Variants in DMD observed in about 807,000 individuals in gnomAD.
DMD encodes dystrophin.
A neutral mutation model predicts 330.1 loss-of-function variants in DMD; 63 were observed. That is an observed-to-expected ratio of 0.19 (90% CI 0.16 to 0.24). The LOEUF (loss-of-function observed/expected upper bound fraction) is 0.24, where lower values mean the gene tolerates loss of function less well. Among genes scored for constraint, DMD ranks in the 10% least tolerant of loss-of-function variants. The probability of loss-of-function intolerance (pLI) is 1.00; values close to 1 mark genes in which losing one functional copy is unlikely to be tolerated. For synonymous variants in DMD, 1,223 were observed against 959.8 expected (o/e 1.27, Z -5.07); for missense variants, 3,344 against 2,684.1 (o/e 1.25, Z -5.43).
intron 44 of DMD, among the ~76,000 whole-genome samples, chrX:32,194,046 G>A (rs772939141): frequency 8.9e-6 from 1 of 112,167 alleles, no homozygotes; most frequent in South Asian, 3.7e-4. Context: ...ATATTATGCA[G>A]CCTTCTTGTG....
chrX:32,805,360 A>G (rs1156984149), intron 7 of DMD, among the ~76,000 whole-genome samples: 1 of 112,029 alleles, frequency 8.9e-6, no homozygotes, highest in Non-Finnish European at 1.9e-5. Context: ...AAGAAAAGAT[A>G]TCAGAGATTG....
chrX:33,174,517 T>G (rs2049541093), intron 1 of DMD, among the ~76,000 whole-genome samples: 1 of 111,509 alleles, frequency 9.0e-6, no homozygotes, highest in Non-Finnish European at 1.9e-5. Context: ...TTACAAGGCT[T>G]ATATTTGCAT....
At chrX:32,561,188 G>A (rs1300419411) in intron 16 of DMD, among the ~76,000 whole-genome samples, 1 of 111,523 alleles carries the variant, frequency 9.0e-6, no homozygotes, top group Non-Finnish European at 1.9e-5. Context: ...GGCTTCAAAG[G>A]TGGATAATAA....
chrX:32,628,277 T>A (rs2058493471), intron 11 of DMD, among the ~76,000 whole-genome samples: 1 of 67,116 alleles, frequency 1.5e-5, no homozygotes. Context: ...TTTTTTTTTT[T>A]TTTTTTTTTT....
At chrX:32,833,692 TAAAAA>T (rs5902041) in intron 4 of DMD, among the ~76,000 whole-genome samples, 1 of 81,128 alleles carries the variant, frequency 1.2e-5, no homozygotes, top group Non-Finnish European at 2.4e-5. Flanking sequence ...TAATTTCAAG[TAAAAA>T]AAAAAAAAAA....
chrX:33,012,804 G>A (rs1321261294), intron 2 of DMD, among the ~76,000 whole-genome samples: 5 of 111,102 alleles, frequency 4.5e-5, no homozygotes, highest in Non-Finnish European at 9.5e-5. Flanking sequence ...CGAAGGTTAG[G>A]TATATTAAAG....
chrX:31,537,719 G>C (rs1439473279), intron 55 of DMD, among the ~76,000 whole-genome samples: 2 of 110,815 alleles, frequency 1.8e-5, no homozygotes, highest in African/African-American at 3.3e-5. Context: ...TCCCCAACTT[G>C]ACCTGTCTAA....
chrX:32,262,898 A>T (rs762156995), intron 43 of DMD, among the ~76,000 whole-genome samples: 4 of 111,561 alleles, frequency 3.6e-5, no homozygotes, highest in Non-Finnish European at 7.5e-5. Flanking sequence ...CCAACCCCAC[A>T]TGGGACCAGA....
At chrX:31,241,356 C>A (rs1352576973) in intron 63 of DMD, among the ~76,000 whole-genome samples, 1 of 111,295 alleles carries the variant, frequency 9.0e-6, no homozygotes, top group Non-Finnish European at 1.9e-5. Context: ...AATGGAGATA[C>A]AAATATCTTT....
intron 7 of DMD, among the ~76,000 whole-genome samples, chrX:32,723,026 A>G (rs1023275291): frequency 2.7e-5 from 3 of 111,121 alleles, no homozygotes; most frequent in African/African-American, 9.8e-5. Flanking sequence ...GAAAGCTTTC[A>G]GTACAACCAC....
At chrX:32,848,442 C>T (rs914688699) in intron 3 of DMD, among the ~76,000 whole-genome samples, 1 of 111,322 alleles carries the variant, frequency 9.0e-6, no homozygotes, top group African/African-American at 3.3e-5. Flanking sequence ...AAATTGGCGC[C>T]CAGCAAACAG....
intron 44 of DMD, among the ~76,000 whole-genome samples, chrX:32,084,874 T>C (rs1193999777): frequency 2.7e-5 from 3 of 111,030 alleles, no homozygotes; most frequent in Non-Finnish European, 3.8e-5. Flanking sequence ...TCACAAGTTG[T>C]AAATTGCTTC....
chrX:31,227,507 C>A (rs2046733360), intron 63 of DMD, among the ~76,000 whole-genome samples: 1 of 111,898 alleles, frequency 8.9e-6, no homozygotes. Flanking sequence ...AACAGTGATT[C>A]AGGCATACCA....
rs906628049 is a variant in DMD at position 31,839,368 on chromosome X, C to T, written c.7099-2549G>A. ...AAGTGCTAAACAAAAAACCGTTGAA[C>T]GGGCAAATAAATACTGTTGCAACTT... On this transcript the variant is annotated intron_variant, in intron 48 of 78. Coordinates refer to ENST00000357033, the MANE Select transcript of DMD (RefSeq NM_004006.3). Among the ~76,000 whole-genome samples, 35 of 111,965 alleles carry T rather than the reference C, an allele frequency of 3.1e-4. 1 individual carries two copies. Among genetic ancestry groups the T allele is most frequent in the African/African-American group, 9.7e-4 (30 of 30,873 alleles).
At chrX:32,732,787 G>A (rs1367595055) in intron 7 of DMD, among the ~76,000 whole-genome samples, 29 of 109,919 alleles carry the variant, frequency 2.6e-4, no homozygotes, top group East Asian at 1.4e-3. Flanking sequence ...AGGAACAACC[G>A]GTACCAGCCG....
Position 31,679,437 on chromosome X carries a change from C to T in DMD, c.7810G>A (p.Glu2604Lys). The T allele has an allele frequency of 1.7e-6, 2 of 1,211,686 alleles. No homozygotes were observed. Among genetic ancestry groups the T allele is most frequent in the Non-Finnish European group, 2.2e-6 (2 of 895,423 alleles). Residue 2604 changes from glutamate (E) to lysine (K), a missense_variant, in exon 53 of 79, where the codon GAG (glutamate) becomes AAG (lysine). Glu to Lys is a moderately conservative substitution (Grantham distance 56). Transcript: ENST00000357033. ...GTATAGGGACCCTCCTTCCATGACT[C>T]AAGCTTGGCTCTGGCCTGTCCTAAG... ...QVLGQARAKL[E>K]SWKEGPYTVD...
At chrX:32,020,358 C>T (rs1278168650) in intron 44 of DMD, among the ~76,000 whole-genome samples, 1 of 112,299 alleles carries the variant, frequency 8.9e-6, no homozygotes, top group Non-Finnish European at 1.9e-5. Context: ...GTAACATTAA[C>T]TGTTTAGTTA....
intron 48 of DMD, among the ~76,000 whole-genome samples, chrX:31,874,741 C>A (rs773296403): frequency 1.8e-5 from 2 of 110,803 alleles, no homozygotes; most frequent in African/African-American, 6.6e-5. Flanking sequence ...AGCAAAGAAG[C>A]CTGTCAGTTT....
intron 7 of DMD, among the ~76,000 whole-genome samples, chrX:32,747,169 T>C (rs1315223013): frequency 8.9e-6 from 1 of 112,634 alleles, no homozygotes; most frequent in East Asian, 2.8e-4. Context: ...AAAATTCTGA[T>C]GTGCACTCAA....
Sources: gnomAD v4.1 joint callset for allele counts (sites outside exome capture counted in the v4.1 genomes callset) on GRCh38, gnomAD v4.1.1 for gene constraint, MANE v1.5 for transcripts, NCBI Gene and HGNC (gene_info 2026-07-23, HGNC 2026-07-21) for gene names.